BMPR1B: variants seen among roughly 807,000 people sequenced by gnomAD.
BMPR1B encodes bone morphogenetic protein receptor type-1B.
In BMPR1B, 12 loss-of-function variants were observed where a neutral mutation model predicts 59.1. The ratio of observed to expected loss-of-function variants is 0.20; its 90% CI spans 0.13 to 0.33. The LOEUF (loss-of-function observed/expected upper bound fraction) is 0.33, where lower values mean the gene tolerates loss of function less well. BMPR1B is among the 10% of genes least tolerant of loss of function. The pLI is 1.00. For missense variants in BMPR1B, 550 were observed against 610.9 expected (o/e 0.90, Z 1.05); for synonymous variants, 237 against 207.3 (o/e 1.14, Z -1.23).
intron 3 of BMPR1B, among the ~76,000 whole-genome samples, chr4:95,068,409 G>A (rs760780137): frequency 2.0e-5 from 3 of 152,078 alleles, no homozygotes; most frequent in African/African-American, 4.8e-5. Flanking sequence ...TGACCTACCC[G>A]TGACTGCTGT....
Position 94,958,511 on chromosome 4 carries a change from A to G in BMPR1B, c.-112-37529A>G, listed in dbSNP as rs1477038653. Among the ~76,000 whole-genome samples, 6 of 152,068 alleles carry G rather than the reference A, an allele frequency of 3.9e-5. No homozygotes were observed. The East Asian group carries it at 5.8e-4, about 15-fold the overall frequency. Reference sequence around the variant, plus strand: ...GCTTCCTTCTCATCATTGTCCCTCTATGAGTGTCATCTCTCTGGTGTCTCC... The same window carrying G: ...GCTTCCTTCTCATCATTGTCCCTCTGTGAGTGTCATCTCTCTGGTGTCTCC... On this transcript the variant is annotated intron_variant, in intron 2 of 12. Coordinates refer to ENST00000515059, the MANE Select transcript of BMPR1B (RefSeq NM_001203.3).
At chr4:95,152,227 A>G (rs1185333191) in intron 11 of BMPR1B, among the ~76,000 whole-genome samples, 3 of 152,184 alleles carry the variant, frequency 2.0e-5, no homozygotes, top group African/African-American at 7.2e-5. Context: ...ACACTTCTGA[A>G]TTTATTATGA....
At chr4:94,943,515 C>T (rs1398844872) in intron 2 of BMPR1B, among the ~76,000 whole-genome samples, 3 of 152,158 alleles carry the variant, frequency 2.0e-5, no homozygotes, top group Non-Finnish European at 4.4e-5. Flanking sequence ...ATAGTACCTA[C>T]TACATAGGTT....
At chr4:94,797,730 T>C (rs1010615643) in intron 1 of BMPR1B, among the ~76,000 whole-genome samples, 2 of 152,196 alleles carry the variant, frequency 1.3e-5, no homozygotes, top group African/African-American at 4.8e-5. Context: ...GAAGAAATTC[T>C]TGTGGAGTAG....
At chr4:94,875,555 G>A (rs113151421) in intron 1 of BMPR1B, among the ~76,000 whole-genome samples, 17,019 of 152,050 alleles carry the variant, frequency 0.11, 999 homozygotes, top group Non-Finnish European at 0.14. Flanking sequence ...GTAGTGGCGG[G>A]CACCTGCAGT....
intron 10 of BMPR1B, among the ~76,000 whole-genome samples, chr4:95,139,889 AG>A (rs1734094068): frequency 6.6e-6 from 1 of 152,188 alleles, no homozygotes; most frequent in South Asian, 2.1e-4. Flanking sequence ...TTGCCGGGTG[AG>A]GCGATATGCC....
intron 1 of BMPR1B, among the ~76,000 whole-genome samples, chr4:94,789,500 T>C (rs1263282405): frequency 1.3e-5 from 2 of 152,210 alleles, no homozygotes; most frequent in East Asian, 3.9e-4. Flanking sequence ...GTTGTTGATG[T>C]TGTGAGTTGT....
intron 1 of BMPR1B, among the ~76,000 whole-genome samples, chr4:94,822,747 G>A (rs1724251166): frequency 6.6e-6 from 1 of 152,084 alleles, no homozygotes; most frequent in Non-Finnish European, 1.5e-5. Context: ...GTGCATTCCA[G>A]GAATGCACTC....
chr4:94,892,106 T>C (rs1278107539), intron 2 of BMPR1B, among the ~76,000 whole-genome samples: 3 of 152,086 alleles, frequency 2.0e-5, no homozygotes, highest in East Asian at 3.9e-4. Context: ...GCTCGTAGTT[T>C]TTAAGTTTAA....
At chr4:95,045,648 A>G (rs1178080959) in intron 3 of BMPR1B, among the ~76,000 whole-genome samples, 1 of 151,956 alleles carries the variant, frequency 6.6e-6, no homozygotes, top group Non-Finnish European at 1.5e-5. Flanking sequence ...CGCAAGTCCA[A>G]CCCTCACCCT....
At chr4:94,863,713 C>G (rs901311240) in intron 1 of BMPR1B, among the ~76,000 whole-genome samples, 4 of 152,160 alleles carry the variant, frequency 2.6e-5, no homozygotes, top group African/African-American at 9.7e-5. Context: ...GTTTTATTTA[C>G]TTGAATCGTA....
At chr4:95,094,763 A>G (rs1730242857) in intron 3 of BMPR1B, among the ~76,000 whole-genome samples, 1 of 152,068 alleles carries the variant, frequency 6.6e-6, no homozygotes, top group African/African-American at 2.4e-5. Context: ...CAGTGACCAT[A>G]CCTGATATTG....
intron 1 of BMPR1B, among the ~76,000 whole-genome samples, chr4:94,857,572 A>G (rs1725809147): frequency 6.6e-6 from 1 of 152,206 alleles, no homozygotes; most frequent in South Asian, 2.1e-4. Context: ...TACTTTATAC[A>G]TTTCCCAAGC....
intron 1 of BMPR1B, among the ~76,000 whole-genome samples, chr4:94,827,777 A>G (rs925373836): frequency 1.3e-5 from 2 of 152,222 alleles, no homozygotes; most frequent in African/African-American, 4.8e-5. Context: ...AGTTTTTGTG[A>G]TTAAAAGGGA....
intron 8 of BMPR1B, among the ~76,000 whole-genome samples, chr4:95,128,159 T>TAC: frequency 6.6e-6 from 1 of 152,258 alleles, no homozygotes; most frequent in East Asian, 1.9e-4. Context: ...GTGCTGGGAT[T>TAC]ACAGGCATGA....
chr4:94,815,829 G>A lies in BMPR1B; in HGVS notation c.-183+57761G>A, dbSNP rs1723989488. On this transcript the variant is annotated intron_variant, in intron 1 of 12. Coordinates refer to ENST00000515059, the MANE Select transcript of BMPR1B (RefSeq NM_001203.3). Reference sequence around the variant, plus strand: ...TCTGACATTTTATAAGGTTATTGCTGTTATACCCAATTTTTCTCTTTCTGC... The same window carrying A: ...TCTGACATTTTATAAGGTTATTGCTATTATACCCAATTTTTCTCTTTCTGC... Among the ~76,000 whole-genome samples the A allele has an allele frequency of 2.0e-5, 3 of 152,310 alleles. No individual in the cohort carries two copies. The Middle Eastern group carries it at 0.01, about 518-fold the overall frequency.
chr4:95,046,656 C>G (rs923459217), intron 3 of BMPR1B, among the ~76,000 whole-genome samples: 1 of 152,136 alleles, frequency 6.6e-6, no homozygotes, highest in Non-Finnish European at 1.5e-5. Context: ...ACATATCCTA[C>G]ACATATTAGT....
At chr4:95,065,230 A>G (rs1209774552) in intron 3 of BMPR1B, among the ~76,000 whole-genome samples, 1 of 152,230 alleles carries the variant, frequency 6.6e-6, no homozygotes, top group Non-Finnish European at 1.5e-5. Context: ...TGCTAAGTGA[A>G]AGAAACCAGA....
At chr4:94,883,132 T>G (rs1278207229) in intron 2 of BMPR1B, among the ~76,000 whole-genome samples, 1 of 152,272 alleles carries the variant, frequency 6.6e-6, no homozygotes, top group South Asian at 2.1e-4. Flanking sequence ...GAAAAGTGAC[T>G]GAGCTCACCT....
Sources: gnomAD v4.1 joint callset for allele counts (sites outside exome capture counted in the v4.1 genomes callset) on GRCh38, gnomAD v4.1.1 for gene constraint, MANE v1.5 for transcripts, NCBI Gene and HGNC (gene_info 2026-07-23, HGNC 2026-07-21) for gene names.